Variants in UPF1 observed in about 807,000 individuals in gnomAD.
UPF1 encodes the protein regulator of nonsense transcripts 1.
In UPF1, 9 loss-of-function variants were observed where a neutral mutation model predicts 129.2. The observed-to-expected ratio is 0.07, with a 90% CI of 0.04 to 0.12. UPF1 has a LOEUF of 0.12. UPF1 is among the 10% of genes least tolerant of loss of function. The probability of loss-of-function intolerance (pLI) is 1.00; values close to 1 mark genes in which losing one functional copy is unlikely to be tolerated. For synonymous variants in UPF1, 649 were observed against 644.9 expected, an observed-to-expected ratio of 1.01 and a Z score of -0.10; for missense variants, 788 against 1,525.3, an observed-to-expected ratio of 0.52 and a Z score of 8.05.
Position 18,865,894 on chromosome 19 carries a change from C to T in UPF1, c.3237+116C>T. 6.4e-7 allele frequency: 1 copy of T among 1,571,236 alleles called. No homozygotes were observed. Among genetic ancestry groups the T allele is most frequent in the South Asian group, 1.1e-5 (1 of 88,520 alleles). ...TGGCCCATGTCCACTGTCTGAATTA[C>T]CTGTCCCTGGGCTGGGGTCATCAGA... On this transcript the variant is annotated intron_variant, in intron 22 of 23. Coordinates refer to ENST00000262803, the MANE Select transcript of UPF1 (RefSeq NM_002911.4). The surrounding 1 kb of genome is among the most constrained non-coding windows in gnomAD (Gnocchi z 6.1).
rs2031417423 is a variant in UPF1, at chr19:18,865,623, C to T, written c.3082C>T (p.Pro1028Ser). Residue 1028 changes from proline to serine, a missense_variant, in exon 22 of 24, where the codon CCT becomes TCT. Pro to Ser is a moderately conservative substitution (Grantham distance 74). Around this residue, in one of 6 missense-constraint regions of UPF1, gnomAD observed 218 missense variants for 318.1 expected, o/e 0.69. Transcript: ENST00000262803. This position sits in a 1 kb window ranked among gnomAD's most constrained non-coding sequence, Gnocchi z 6.1. ...GGRQKNRFGL[P>S]GPSQTNLPNS... The stretch of plus-strand genomic sequence containing the variant: ...ACGCCAGAAGAACCGCTTTGGGCTT[C>T]CTGGACCCAGCCAGACTAACCTCCC... 3 of 1,613,852 alleles carry T rather than the reference C, an allele frequency of 1.9e-6. No individual in the cohort carries two copies. The highest frequency in any genetic ancestry group is 2.5e-6 in the Non-Finnish European group (3 of 1,180,036).
intron 23 of UPF1, 128 bp downstream of exon 23, chr19:18,866,294 T>C: frequency 1.5e-6 from 2 of 1,364,790 alleles, no homozygotes; most frequent in Non-Finnish European, 1.9e-6. Context: ...GTGGGGGTCA[T>C]AGGCCCTCAG....
At chr19:18,856,566 A>G (rs568223444) in intron 13 of UPF1, among the ~76,000 whole-genome samples, 1 of 152,134 alleles carries the variant, frequency 6.6e-6, no homozygotes, top group African/African-American at 2.4e-5. Context: ...TTCATAACCA[A>G]CCAGCCTGAA....
chr19:18,860,473 C>T, intron 16 of UPF1, 35 bp downstream of exon 16: 2 of 1,595,362 alleles, frequency 1.3e-6, no homozygotes, highest in South Asian at 1.1e-5. Flanking sequence ...GTCTGCAGGT[C>T]TTGGGGACAG....
chr19:18,847,772 G>A lies in UPF1; in HGVS notation c.400G>A (p.Val134Met). 1 of 1,614,186 alleles carries A rather than the reference G, an allele frequency of 6.2e-7. No individual in the cohort carries two copies. Among genetic ancestry groups the A allele is most frequent in the East Asian group, 2.2e-5 (1 of 44,892 alleles). Residue 134 changes from valine to methionine, a missense_variant, in exon 3 of 24, where the codon GTG (valine) becomes ATG (methionine). Val to Met is a conservative substitution (Grantham distance 21). Coordinates refer to ENST00000262803, the MANE Select transcript of UPF1 (RefSeq NM_002911.4). ...SYCGIHDPACVVYCNTSKKWF... is the reference protein window; with the variant it reads ...SYCGIHDPACMVYCNTSKKWF... ...CTGTGGAATACACGATCCTGCCTGC[G>A]TGGTTTACTGTAATACCAGCAAGAA... is the stretch of plus-strand genomic sequence containing the variant.
At chr19:18,849,753 C>A (rs914460589) in intron 3 of UPF1, 1 of 320,842 alleles carries the variant, frequency 3.1e-6, no homozygotes, top group Non-Finnish European at 5.9e-6. Context: ...TCTGACCCCA[C>A]AGCAGCCCTG....
intron 16 of UPF1, 115 bp from the exon 17 acceptor site, chr19:18,860,711 C>T: frequency 6.9e-7 from 1 of 1,445,708 alleles, no homozygotes; most frequent in Non-Finnish European, 9.3e-7. Context: ...GTGCAAACGC[C>T]AGTGATGGCA....
rs756666473 is a variant in UPF1, at chr19:18,852,193, A to T, written c.869A>T (p.Gln290Leu). 1 of 1,613,600 alleles carries T rather than the reference A, an allele frequency of 6.2e-7. No individual in the cohort carries two copies. The highest frequency in any genetic ancestry group is 1.1e-5 in the South Asian group (1 of 91,044). Residue 290 changes from glutamine (Q) to leucine (L), a missense_variant, in exon 6 of 24, where the codon CAG (glutamine) becomes CTG (leucine). Gln to Leu is a moderately radical substitution (Grantham distance 113). Around this residue, in one of 6 missense-constraint regions of UPF1, gnomAD observed 227 missense variants for 517.9 expected, o/e 0.44. Coordinates refer to ENST00000262803, the MANE Select transcript of UPF1 (RefSeq NM_002911.4). ...LEKPGVDEEP[Q>L]HVLLRYEDAY... ...AAGCCGGGGGTGGACGAGGAGCCGC[A>T]GCATGTCCTCCTGCGGTACGAGGAC...
In UPF1 at chr19:18,832,177, G is replaced by A. The variant is rs756826871; in HGVS notation, c.-33G>A. 5 of 1,509,766 alleles carry A rather than the reference G, an allele frequency of 3.3e-6. No individual in the cohort carries two copies. Among genetic ancestry groups the A allele is most frequent in the South Asian group, 2.4e-5 (2 of 83,232 alleles). The allele number at this position is 1,509,766 out of a possible 1,614,324, so 93.5% of individuals were successfully genotyped here. On this transcript the variant is annotated 5_prime_UTR_variant, in exon 1 of 24. Transcript: ENST00000262803. The surrounding 1 kb of genome is among the most constrained non-coding windows in gnomAD (Gnocchi z 5.6). ...GCGGCGGCGGGCTCGAGTGCAGCGC[G>A]GAACCGGCCCGAGGGCCCTACCCGG...
intron 1 of UPF1, among the ~76,000 whole-genome samples, chr19:18,839,996 TGTGGGGCCA>T (rs973677878): frequency 3.3e-5 from 5 of 151,740 alleles, no homozygotes; most frequent in African/African-American, 9.7e-5. Context: ...GGAGGGTGGA[TGTGGGGCCA>T]GTGGGGCCAG....
chr19:18,855,093 A>T lies in UPF1; in HGVS notation c.1426-31A>T, dbSNP rs2055702075. 3.1e-6 allele frequency: 5 copies of T among 1,613,442 alleles called. No individual in the cohort carries two copies. In the African/African-American group the frequency reaches 5.3e-5, roughly 17 times the overall value. ...CGCCCATGGGCCGGGACGCAAGCGG[A>T]GGCTGCCCCTAACGGCCGCTTGTAT... On this transcript the variant is annotated intron_variant, in intron 10 of 23. Coordinates refer to ENST00000262803, the MANE Select transcript of UPF1 (RefSeq NM_002911.4).
intron 6 of UPF1, 135 bp from the exon 7 acceptor site, chr19:18,852,852 A>C (rs1804586466): frequency 1.4e-6 from 1 of 705,518 alleles, no homozygotes; most frequent in South Asian, 1.8e-5. Flanking sequence ...TTGGGGCTGC[A>C]GGTGCCACTC....
chr19:18,854,322 G>A (rs2055692064), intron 8 of UPF1, among the ~76,000 whole-genome samples: 1 of 152,210 alleles, frequency 6.6e-6, no homozygotes, highest in Non-Finnish European at 1.5e-5. Flanking sequence ...CTGCGTCTCT[G>A]AAAGGGGCCT....
At position 18,854,957 on chromosome 19, in the gene UPF1, C is replaced by T. The variant is rs1228693262; in HGVS notation, c.1344C>T (p.His448=). 6.8e-6 allele frequency: 11 copies of T among 1,614,218 alleles called. No homozygotes were observed. Among genetic ancestry groups the T allele is most frequent in the Non-Finnish European group, 7.6e-6 (9 of 1,180,050 alleles). ...SGYIYHKLLG[H]EVEDVIIKCQ... is the part of the protein sequence containing the mutation. ...ACATCTACCACAAGCTGTTGGGCCA[C>T]GAGGTGGAGGACGTAATCATCAAGT... is the stretch of plus-strand genomic sequence containing the variant. Residue 448 remains histidine, a synonymous_variant, in exon 10 of 24, where the codon CAC becomes CAT. Coordinates refer to ENST00000262803, the MANE Select transcript of UPF1 (RefSeq NM_002911.4).
chr19:18,866,267 A>C, intron 23 of UPF1, 101 bp downstream of exon 23: 1 of 1,429,084 alleles, frequency 7.0e-7, no homozygotes. Flanking sequence ...GGTATCTGGA[A>C]ATGTGTGCTG....
chr19:18,864,079 GCATACCTGC>G, intron 19 of UPF1, 82 bp from the exon 20 acceptor site: 1 of 1,124,230 alleles, frequency 8.9e-7, no homozygotes, highest in Non-Finnish European at 1.3e-6. Flanking sequence ...CCTCACAGCT[GCATACCTGC>G]CACCTCCCAG....
intron 1 of UPF1, among the ~76,000 whole-genome samples, chr19:18,837,412 C>CT (rs1435721977): frequency 1.3e-5 from 2 of 152,182 alleles, no homozygotes; most frequent in African/African-American, 4.8e-5. Flanking sequence ...AACTCTCATG[C>CT]CATACACCTA....
At chr19:18,860,528 T>C in intron 16 of UPF1, 90 bp downstream of exon 16, 2 of 1,341,498 alleles carry the variant, frequency 1.5e-6, no homozygotes, top group Non-Finnish European at 1.0e-6. Context: ...AACATGGGAC[T>C]GAAACTTTTT....
At position 18,851,219 on chromosome 19, in the gene UPF1, C is replaced by T. The variant is rs753767812; in HGVS notation, c.810+351C>T. On this transcript the variant is annotated intron_variant, in intron 5 of 23. Transcript: ENST00000262803. The surrounding 1 kb of genome is among the most constrained non-coding windows in gnomAD (Gnocchi z 4.2). The stretch of plus-strand genomic sequence containing the variant: ...TGAACCTGCCCAGACAGGTGGGCTG[C>T]GAGAATGTCCTGGGGAAATAGGTTG... 1.1e-4 allele frequency: 20 copies of T among 182,882 alleles called. No individual in the cohort carries two copies. Among genetic ancestry groups the T allele is most frequent in the Non-Finnish European group, 4.6e-5 (4 of 87,488 alleles). The allele number at this position is 182,882 out of a possible 1,614,324, so 11.3% of individuals were successfully genotyped here.
Sources: gnomAD v4.1 joint callset for allele counts (sites outside exome capture counted in the v4.1 genomes callset) on GRCh38, gnomAD v4.1.1 for gene constraint, gnomAD v4.1.1 regional missense constraint, Gnocchi (gnomAD v3.1) non-coding constraint, MANE v1.5 for transcripts, NCBI Gene and HGNC (gene_info 2026-07-23, HGNC 2026-07-21) for gene names.